SIPA1L3: variants seen among roughly 807,000 people sequenced by gnomAD.
SIPA1L3 encodes the protein signal-induced proliferation-associated 1-like protein 3.
SIPA1L3 carries 59 observed loss-of-function variants against 150.1 expected under a neutral mutation model. That is an observed-to-expected ratio of 0.39 (90% CI 0.32 to 0.49). SIPA1L3 has a LOEUF of 0.49. SIPA1L3 is among the 20% of genes least tolerant of loss of function. The pLI, the probability that SIPA1L3 is intolerant of heterozygous loss-of-function variation, is 0.86. For synonymous variants in SIPA1L3, 1,070 were observed against 1,077.6 expected (o/e 0.99, Z 0.14); for missense variants, 2,211 against 2,489.5 (o/e 0.89, Z 2.38).
At chr19:37,958,253 G>T (rs1216636131) in intron 1 of SIPA1L3, among the ~76,000 whole-genome samples, 1 of 150,490 alleles carries the variant, frequency 6.6e-6, no homozygotes, top group East Asian at 2.0e-4. Flanking sequence ...AGGCAACATG[G>T]CAAAACCCTG....
At chr19:38,175,653 C>T (rs1468847948) in intron 15 of SIPA1L3, among the ~76,000 whole-genome samples, 1 of 152,152 alleles carries the variant, frequency 6.6e-6, no homozygotes, top group Admixed American at 6.5e-5. Flanking sequence ...TGCAGCTCCG[C>T]GGTTCCTCCT....
At chr19:38,113,616 A>C (rs1471615573) in intron 8 of SIPA1L3, among the ~76,000 whole-genome samples, 1 of 152,034 alleles carries the variant, frequency 6.6e-6, no homozygotes, top group Non-Finnish European at 1.5e-5. Context: ...CAAAAAAAAA[A>C]ACCAAAAAAA....
rs564570677 is a variant in SIPA1L3, at chr19:38,073,891, G to T, written c.-310-7365G>T. ...GTGCCCACTCCAACTGTGCTTCTGT[G>T]GGGGGAAAGGGGAAGCACTTCTGCC... On this transcript the variant is annotated intron_variant, in intron 2 of 21. Transcript: ENST00000222345. Among the ~76,000 whole-genome samples, 24 of 152,342 alleles carry T rather than the reference G, an allele frequency of 1.6e-4. No homozygotes were observed. In the South Asian group the frequency reaches 4.8e-3, roughly 30 times the overall value.
intron 2 of SIPA1L3, among the ~76,000 whole-genome samples, chr19:38,029,527 C>G: frequency 6.6e-6 from 1 of 152,270 alleles, no homozygotes; most frequent in East Asian, 1.9e-4. Flanking sequence ...ATTTCATATA[C>G]TTTTATTTTT....
chr19:38,128,735 A>G (rs1178517134), intron 9 of SIPA1L3, among the ~76,000 whole-genome samples: 1 of 152,060 alleles, frequency 6.6e-6, no homozygotes, highest in East Asian at 1.9e-4. Context: ...CATCTCTACT[A>G]AAAGTACCAA....
At chr19:37,992,463 C>A (rs530942323) in intron 1 of SIPA1L3, among the ~76,000 whole-genome samples, 1 of 152,050 alleles carries the variant, frequency 6.6e-6, no homozygotes, top group South Asian at 2.1e-4. Flanking sequence ...CCAGCCTGGC[C>A]AACACGGCGA....
At chr19:37,999,913 C>G (rs1479627401) in intron 1 of SIPA1L3, among the ~76,000 whole-genome samples, 1 of 152,138 alleles carries the variant, frequency 6.6e-6, no homozygotes, top group East Asian at 1.9e-4. Context: ...AAGAAGGTAC[C>G]TGGGGCCAGA....
chr19:38,166,231 G>A (rs1450848253), intron 15 of SIPA1L3, among the ~76,000 whole-genome samples: 1 of 151,862 alleles, frequency 6.6e-6, no homozygotes, highest in African/African-American at 2.4e-5. Flanking sequence ...CAAGGCGGGT[G>A]GATCATGAGG....
At chr19:38,148,563 G>A (rs188235348) in intron 12 of SIPA1L3, among the ~76,000 whole-genome samples, 42 of 152,246 alleles carry the variant, frequency 2.8e-4, no homozygotes, top group Admixed American at 2.2e-3. Flanking sequence ...TCATCTGACC[G>A]TCATTTTGCC....
chr19:38,086,162 C>T (rs1167477126), intron 3 of SIPA1L3, among the ~76,000 whole-genome samples: 1 of 152,090 alleles, frequency 6.6e-6, no homozygotes, highest in East Asian at 1.9e-4. Flanking sequence ...TGATTTTACA[C>T]TGTATATGTA....
At chr19:37,927,821 T>C (rs1011261680) in intron 1 of SIPA1L3, among the ~76,000 whole-genome samples, 1 of 152,128 alleles carries the variant, frequency 6.6e-6, no homozygotes, top group Non-Finnish European at 1.5e-5. Context: ...TGTGCATTCA[T>C]TCACTTAGGA....
chr19:38,075,847 A>G (rs1327847763), intron 2 of SIPA1L3, among the ~76,000 whole-genome samples: 1 of 149,710 alleles, frequency 6.7e-6, no homozygotes, highest in Non-Finnish European at 1.5e-5. Context: ...TATTTTTTAA[A>G]AAATAAAATG....
At chr19:37,994,785 G>T (rs1487458645) in intron 1 of SIPA1L3, among the ~76,000 whole-genome samples, 2 of 152,126 alleles carry the variant, frequency 1.3e-5, no homozygotes, top group African/African-American at 4.8e-5. Context: ...GTGATCTTTC[G>T]ATCTGTCAGT....
In SIPA1L3 at chr19:38,201,868, G is replaced by C. The variant is rs1973094368; in HGVS notation, c.4991G>C (p.Arg1664Thr). Residue 1664 changes from arginine (R) to threonine (T), a missense_variant, in exon 20 of 22, where the codon AGA (arginine) becomes ACA (threonine). Physicochemically the swap from Arg to Thr is moderately conservative, Grantham distance 71 (BLOSUM62 -1). Transcript: ENST00000222345. ...CCTCCTCCCTCCCTGGCAGTGCAAAGAGCCGTCTCACTCTTCTCTCTGAAC... is the reference window on the plus strand; with the variant it reads ...CCTCCTCCCTCCCTGGCAGTGCAAACAGCCGTCTCACTCTTCTCTCTGAAC... ...VNAAKAYEVQRAVSLFSLNDP... is the reference protein window; with the variant it reads ...VNAAKAYEVQTAVSLFSLNDP... 1 of 1,610,064 alleles carries C rather than the reference G, an allele frequency of 6.2e-7. No individual in the cohort carries two copies. The highest frequency in any genetic ancestry group is 2.2e-5 in the East Asian group (1 of 44,784).
intron 15 of SIPA1L3, among the ~76,000 whole-genome samples, chr19:38,166,748 C>T (rs925661917): frequency 6.6e-6 from 1 of 152,036 alleles, no homozygotes; most frequent in Admixed American, 6.6e-5. Flanking sequence ...CCTGAGTCCC[C>T]GATAGCCATC....
At chr19:38,173,032 G>A (rs1972360660) in intron 15 of SIPA1L3, among the ~76,000 whole-genome samples, 2 of 152,160 alleles carry the variant, frequency 1.3e-5, no homozygotes, top group African/African-American at 2.4e-5. Context: ...ACCCCGGGAA[G>A]TGGAGGCTGC....
At chr19:38,000,476 CAAAAA>C (rs931671031) in intron 1 of SIPA1L3, among the ~76,000 whole-genome samples, 2 of 44,044 alleles carry the variant, frequency 4.5e-5, no homozygotes, top group African/African-American at 8.8e-5. Flanking sequence ...GACTCTGTCT[CAAAAA>C]AAAAAAAAAA....
chr19:38,113,676 A>C (rs947076604), intron 8 of SIPA1L3, among the ~76,000 whole-genome samples: 4 of 151,864 alleles, frequency 2.6e-5, no homozygotes, highest in African/African-American at 9.7e-5. Context: ...CAGTAACCCC[A>C]TTTCATGTTT....
At chr19:38,044,856 A>G (rs1417194876) in intron 2 of SIPA1L3, among the ~76,000 whole-genome samples, 1 of 152,028 alleles carries the variant, frequency 6.6e-6, no homozygotes, top group African/African-American at 2.4e-5. Flanking sequence ...CGCCCCCCAG[A>G]CCATTTACTT....
Sources: allele counts gnomAD v4.1 joint callset (sites outside exome capture counted in the v4.1 genomes callset), GRCh38; gene constraint gnomAD v4.1.1; transcripts MANE v1.5; gene names NCBI Gene and HGNC (gene_info 2026-07-23, HGNC 2026-07-21).